Variants in CLSTN2 observed in about 807,000 individuals in gnomAD.
CLSTN2 encodes the protein calsyntenin 2.
CLSTN2 carries 48 observed loss-of-function variants against 101.2 expected under a neutral mutation model. The ratio of observed to expected loss-of-function variants is 0.47; its 90% CI spans 0.38 to 0.60. The LOEUF is 0.60. CLSTN2 is among the 20% of genes least tolerant of loss of function. The pLI, the probability that CLSTN2 is intolerant of heterozygous loss-of-function variation, is 0.00. For missense variants in CLSTN2, 1,160 were observed against 1,238.2 expected (o/e 0.94, Z 0.95); for synonymous variants, 481 against 463.6 (o/e 1.04, Z -0.48).
At chr3:140,031,133 A>G (rs2007538299) in intron 1 of CLSTN2, among the ~76,000 whole-genome samples, 1 of 152,178 alleles carries the variant, frequency 6.6e-6, no homozygotes, top group Non-Finnish European at 1.5e-5. Flanking sequence ...AAATAAATCC[A>G]ATTAGAAAAC....
rs183821570 is a variant in CLSTN2, at chr3:140,157,847, G to C, written c.110-18104G>C. 3.3e-5 allele frequency among the ~76,000 whole-genome samples: 5 copies of C among 152,224 alleles called. No individual in the cohort carries two copies. In the East Asian group the frequency reaches 9.6e-4, roughly 29 times the overall value. On this transcript the variant is annotated intron_variant, in intron 1 of 16. Coordinates refer to ENST00000458420, the MANE Select transcript of CLSTN2 (RefSeq NM_022131.3). ...GTAAGCTTTATTCCTGGGATGCAAG[G>C]CTGGTTCAATATACACAAATCAGTA...
chr3:140,244,965 C>G (rs2086502323), intron 2 of CLSTN2, among the ~76,000 whole-genome samples: 1 of 152,244 alleles, frequency 6.6e-6, no homozygotes, highest in South Asian at 2.1e-4. Flanking sequence ...CTTAGCTGTG[C>G]TAACATGCAG....
At chr3:140,496,199 C>T (rs991297588) in intron 8 of CLSTN2, among the ~76,000 whole-genome samples, 1 of 152,048 alleles carries the variant, frequency 6.6e-6, no homozygotes, top group Non-Finnish European at 1.5e-5. Context: ...TAGCTGTATT[C>T]TTAGGTATTT....
intron 2 of CLSTN2, among the ~76,000 whole-genome samples, chr3:140,361,946 G>C (rs368195725): frequency 3.9e-5 from 6 of 152,142 alleles, no homozygotes; most frequent in African/African-American, 1.4e-4. Context: ...CCAAAATTCC[G>C]GTAGGCTTTT....
At chr3:140,412,654 C>G (rs1313604470) in intron 4 of CLSTN2, among the ~76,000 whole-genome samples, 1 of 152,110 alleles carries the variant, frequency 6.6e-6, no homozygotes, top group East Asian at 1.9e-4. Context: ...TTCACTATAG[C>G]CATTAAGTCT....
At chr3:140,545,532 GTTC>G (rs1490461479) in intron 9 of CLSTN2, among the ~76,000 whole-genome samples, 9 of 152,210 alleles carry the variant, frequency 5.9e-5, no homozygotes, top group South Asian at 2.1e-4. Flanking sequence ...TCTATGCGTT[GTTC>G]TTCTTCTCTG....
chr3:140,522,729 T>G (rs1206374899), intron 8 of CLSTN2, among the ~76,000 whole-genome samples: 1 of 152,224 alleles, frequency 6.6e-6, no homozygotes, highest in Admixed American at 6.5e-5. Context: ...ATTCACTAAT[T>G]TTGTTCTCAG....
At chr3:140,249,603 A>T (rs2086544710) in intron 2 of CLSTN2, among the ~76,000 whole-genome samples, 1 of 151,866 alleles carries the variant, frequency 6.6e-6, no homozygotes. Flanking sequence ...CTTTTTACCA[A>T]CTCTATGGCA....
intron 6 of CLSTN2, among the ~76,000 whole-genome samples, chr3:140,451,503 G>A (rs968950707): frequency 3.9e-5 from 6 of 152,170 alleles, no homozygotes; most frequent in African/African-American, 1.4e-4. Context: ...TGGTAATCCT[G>A]TCCCAATAAC....
chr3:140,266,541 C>T (rs1391717710), intron 2 of CLSTN2, among the ~76,000 whole-genome samples: 1 of 152,174 alleles, frequency 6.6e-6, no homozygotes, highest in Non-Finnish European at 1.5e-5. Flanking sequence ...AGATGCATCA[C>T]TGGTATTCTG....
rs201837454 is a variant in CLSTN2 at position 140,558,716 on chromosome 3, C to T, written c.1900C>T (p.Arg634Trp). 6.1e-5 allele frequency: 98 copies of T among 1,614,034 alleles called. No individual in the cohort carries two copies. In the East Asian group the frequency reaches 1.8e-3, roughly 30 times the overall value. Residue 634 changes from arginine (R) to tryptophan (W), a missense_variant, in exon 12 of 17, where the codon CGG (arginine) becomes TGG (tryptophan). Coordinates refer to ENST00000458420, the MANE Select transcript of CLSTN2 (RefSeq NM_022131.3). ...YVMVLQAIEP[R>W]ITLRGTDHFW... is the part of the protein sequence containing the mutation. ...GATGGTCCTCCAGGCCATCGAGCCC[C>T]GGATCACCCTCCGGGGCACAGACCA...
At chr3:140,385,470 G>C (rs548574147) in intron 2 of CLSTN2, among the ~76,000 whole-genome samples, 2 of 145,130 alleles carry the variant, frequency 1.4e-5, no homozygotes, top group Non-Finnish European at 3.0e-5. Flanking sequence ...CCGGGTTCAC[G>C]CCATTCTCCT....
intron 2 of CLSTN2, among the ~76,000 whole-genome samples, chr3:140,198,800 C>T (rs957819129): frequency 1.1e-4 from 16 of 152,300 alleles, no homozygotes; most frequent in South Asian, 6.2e-4. Context: ...TCTGCAGGCT[C>T]TAAAACAGTG....
In CLSTN2 at chr3:140,558,852, C is replaced by T; in HGVS notation, c.2036C>T (p.Thr679Ile). ...AKTEAPGDVK[T>I]TDPKSEVLEE... ...ACCGAAGCCCCCGGGGACGTGAAAA[C>T]CACAGGTACAGGTGCATTTGAGTTT... Residue 679 changes from threonine to isoleucine, a missense_variant, in exon 12 of 17, where the codon ACC becomes ATC. Transcript: ENST00000458420. The T allele has an allele frequency of 6.2e-7, 1 of 1,613,536 alleles. No individual in the cohort carries two copies. Among genetic ancestry groups the T allele is most frequent in the Non-Finnish European group, 8.5e-7 (1 of 1,179,902 alleles).
At chr3:139,964,561 T>C (rs1317938307) in intron 1 of CLSTN2, among the ~76,000 whole-genome samples, 1 of 152,014 alleles carries the variant, frequency 6.6e-6, no homozygotes, top group Non-Finnish European at 1.5e-5. Context: ...CATTGTGCCT[T>C]GGCAGGGGGG....
chr3:140,557,516 G>T (rs1935823670), intron 11 of CLSTN2, among the ~76,000 whole-genome samples: 1 of 152,186 alleles, frequency 6.6e-6, no homozygotes. Flanking sequence ...ATTGGCCTGC[G>T]TCCTGCTGAG....
intron 8 of CLSTN2, among the ~76,000 whole-genome samples, chr3:140,510,064 C>A (rs1246934914): frequency 6.6e-6 from 1 of 152,216 alleles, no homozygotes; most frequent in Non-Finnish European, 1.5e-5. Context: ...TTGGGCAAAT[C>A]ATCTAACACA....
intron 8 of CLSTN2, among the ~76,000 whole-genome samples, chr3:140,528,545 A>G (rs1223931279): frequency 1.3e-5 from 2 of 151,922 alleles, no homozygotes; most frequent in Admixed American, 6.6e-5. Flanking sequence ...TTTGTTCACA[A>G]AGTAGGACGT....
rs991765499 is a variant in CLSTN2 at position 140,573,364 on chromosome 3, G to T, written c.*7111G>T. ...CTTGGAAGGGCAGTAACTCATTCTG[G>T]ATGTTACTAAAAGTAGAAAACAAAA... On this transcript the variant is annotated 3_prime_UTR_variant, in exon 17 of 17. Coordinates refer to ENST00000458420, the MANE Select transcript of CLSTN2 (RefSeq NM_022131.3). 1.3e-5 allele frequency: 2 copies of T among 152,172 alleles called. No individual in the cohort carries two copies. Among genetic ancestry groups the T allele is most frequent in the Non-Finnish European group, 2.9e-5 (2 of 68,032 alleles). 9.4% of individuals were successfully genotyped at this position (152,172 alleles called of 1,614,324 possible).
Sources: allele counts gnomAD v4.1 joint callset (sites outside exome capture counted in the v4.1 genomes callset), GRCh38; gene constraint gnomAD v4.1.1; transcripts MANE v1.5; gene names NCBI Gene and HGNC (gene_info 2026-07-23, HGNC 2026-07-21).